CACNA1I: variants seen among roughly 807,000 people sequenced by gnomAD.
CACNA1I encodes the protein calcium voltage-gated channel subunit alpha1 I.
CACNA1I carries 74 observed loss-of-function variants against 201.6 expected under a neutral mutation model. The observed-to-expected ratio is 0.37, with a 90% CI of 0.30 to 0.45. The LOEUF is 0.45. Among genes scored for constraint, CACNA1I ranks in the 20% least tolerant of loss-of-function variants. CACNA1I has a pLI of 1.00. For missense variants in CACNA1I, 2,346 were observed against 3,138.1 expected, an observed-to-expected ratio of 0.75 and a Z score of 6.03; for synonymous variants, 1,431 against 1,345.2, an observed-to-expected ratio of 1.06 and a Z score of -1.40.
intron 24 of CACNA1I, among the ~76,000 whole-genome samples, 172 bp downstream of exon 24, chr22:39,668,553 T>A (rs136857): frequency 6.6e-6 from 1 of 152,178 alleles, no homozygotes; most frequent in Non-Finnish European, 1.5e-5. Flanking sequence ...ACCATTACAG[T>A]CCCTCCTCGG....
rs562458454 is a variant in CACNA1I at position 39,582,017 on chromosome 22, C to T, written c.236+11029C>T. Among the ~76,000 whole-genome samples the T allele has an allele frequency of 1.1e-4, 17 of 152,262 alleles. No individual in the cohort carries two copies. The South Asian group carries it at 2.7e-3, about 24-fold the overall frequency. ...GCTTGGTTGGCTGAGATGTGCTGTG[C>T]GAATGTGAAGGCTTGTTGTGCAGAG... On this transcript the variant is annotated intron_variant, in intron 1 of 36. Coordinates refer to ENST00000402142, the MANE Select transcript of CACNA1I (RefSeq NM_021096.4).
intron 9 of CACNA1I, 31 bp downstream of exon 9, chr22:39,647,957 C>G (rs1260780070): frequency 6.3e-7 from 1 of 1,578,402 alleles, no homozygotes; most frequent in African/African-American, 1.3e-5. Flanking sequence ...GTGGGCCCTG[C>G]CCCCAGCCCC....
intron 1 of CACNA1I, among the ~76,000 whole-genome samples, chr22:39,594,118 G>T (rs1932852998): frequency 6.6e-6 from 1 of 152,184 alleles, no homozygotes; most frequent in South Asian, 2.1e-4. Context: ...CAGCAGGCCT[G>T]GTGTGAATCT....
chr22:39,593,228 C>T lies in CACNA1I; in HGVS notation c.237-4923C>T, dbSNP rs553482394. Reference sequence around the variant, plus strand: ...TGTGAATCAGACAATCTGGGCTGCTCGGGGACTGGGTGACCTTGTGTGAGT... The same window carrying T: ...TGTGAATCAGACAATCTGGGCTGCTTGGGGACTGGGTGACCTTGTGTGAGT... On this transcript the variant is annotated intron_variant, in intron 1 of 36. Transcript: ENST00000402142. 4.1e-4 allele frequency among the ~76,000 whole-genome samples: 63 copies of T among 152,294 alleles called. 2 individuals are homozygous for T. The Middle Eastern group carries it at 0.01, about 25-fold the overall frequency.
chr22:39,684,306 C>A lies in CACNA1I; in HGVS notation c.5835C>A (p.Pro1945=). Residue 1945 remains proline (P), a synonymous_variant, in exon 36 of 37, where the codon CCC becomes CCA. Transcript: ENST00000402142. This position sits in a 1 kb window ranked among gnomAD's most constrained non-coding sequence, Gnocchi z 4.6. ...TGTCTTCTCCTTTCCCAGCAGCACC[C>A]CCAAGTCCCTTCTCCCCGGATGCCT... ...SWLKHDSSQA[P]PSPFSPDASS... 2 of 1,613,328 alleles carry A rather than the reference C, an allele frequency of 1.2e-6. No homozygotes were observed. Among genetic ancestry groups the A allele is most frequent in the Non-Finnish European group, 1.7e-6 (2 of 1,179,740 alleles).
At chr22:39,633,422 G>A (rs1017166006) in intron 4 of CACNA1I, among the ~76,000 whole-genome samples, 5 of 152,220 alleles carry the variant, frequency 3.3e-5, no homozygotes, top group South Asian at 2.1e-4. Context: ...ACAACTGTAC[G>A]TGGCAGCCTA....
rs374125875 is a variant in CACNA1I at position 39,673,945 on chromosome 22, G to A, written c.4784-18G>A. 4 of 1,610,968 alleles carry A rather than the reference G, an allele frequency of 2.5e-6. No individual in the cohort carries two copies. Among genetic ancestry groups the A allele is most frequent in the African/African-American group, 2.7e-5 (2 of 74,884 alleles). ...ACCGGCCTGGGGCTGAGTGGGCAGGGCTGGGTCTCGCCCGCAGTGCTGAAG... is the reference window on the plus strand; with the variant it reads ...ACCGGCCTGGGGCTGAGTGGGCAGGACTGGGTCTCGCCCGCAGTGCTGAAG... On this transcript the variant is annotated intron_variant, in intron 28 of 36. Coordinates refer to ENST00000402142, the MANE Select transcript of CACNA1I (RefSeq NM_021096.4).
intron 5 of CACNA1I, among the ~76,000 whole-genome samples, chr22:39,638,932 A>T (rs1456910368): frequency 6.6e-6 from 1 of 152,208 alleles, no homozygotes; most frequent in Non-Finnish European, 1.5e-5. Context: ...TGAGAATCTA[A>T]TGCTACCACT....
At chr22:39,679,600 G>A (rs1935630395) in intron 32 of CACNA1I, 122 bp from the exon 33 acceptor site, 1 of 1,099,696 alleles carries the variant, frequency 9.1e-7, no homozygotes, top group African/African-American at 1.6e-5. Context: ...GTGATGAGGG[G>A]GTCGGTCCCA....
intron 5 of CACNA1I, among the ~76,000 whole-genome samples, chr22:39,635,609 C>T (rs767657473): frequency 6.6e-6 from 1 of 152,162 alleles, no homozygotes; most frequent in African/African-American, 2.4e-5. Flanking sequence ...GGGTAGACCA[C>T]AGCAGGGGCA....
intron 6 of CACNA1I, among the ~76,000 whole-genome samples, chr22:39,642,234 C>T (rs1275718492): frequency 1.3e-5 from 2 of 152,148 alleles, no homozygotes; most frequent in African/African-American, 4.8e-5. Context: ...GGTGGGTGGC[C>T]GCTCAGGGGG....
chr22:39,661,901 G>T, intron 16 of CACNA1I, 64 bp from the exon 17 acceptor site: 1 of 1,153,784 alleles, frequency 8.7e-7, no homozygotes, highest in East Asian at 2.9e-5. Flanking sequence ...CTGCCTTTGG[G>T]CACCTGGTGC....
At chr22:39,586,493 A>AAAAT (rs368933585) in intron 1 of CACNA1I, among the ~76,000 whole-genome samples, 6,648 of 151,164 alleles carry the variant, frequency 0.044, 370 homozygotes, top group African/African-American at 0.13. Flanking sequence ...CTCCGTCTCT[A>AAAAT]AAATAAATAA....
At chr22:39,645,567 G>A (rs1934464418) in intron 7 of CACNA1I, among the ~76,000 whole-genome samples, 1 of 152,168 alleles carries the variant, frequency 6.6e-6, no homozygotes, top group Non-Finnish European at 1.5e-5. Flanking sequence ...CTTCTTACCC[G>A]AGAGGCAGGG....
In CACNA1I at chr22:39,625,284, G is replaced by A. The variant is rs563403857; in HGVS notation, c.580+5877G>A. ...GCAAGCTAGAGAGCTGGTGATGGGCGCAGTCAAATGACGGGTTATTAATTG... is the reference window on the plus strand; with the variant it reads ...GCAAGCTAGAGAGCTGGTGATGGGCACAGTCAAATGACGGGTTATTAATTG... On this transcript the variant is annotated intron_variant, in intron 4 of 36. Transcript: ENST00000402142. 3.9e-5 allele frequency among the ~76,000 whole-genome samples: 6 copies of A among 152,192 alleles called. No homozygotes were observed. The Middle Eastern group carries it at 9.5e-3, about 241-fold the overall frequency.
At chr22:39,621,609 T>G (rs1933745383) in intron 4 of CACNA1I, among the ~76,000 whole-genome samples, 1 of 152,168 alleles carries the variant, frequency 6.6e-6, no homozygotes, top group South Asian at 2.1e-4. Flanking sequence ...TGAGAGGGAC[T>G]GGCTTGGCTT....
At chr22:39,602,134 C>T (rs1458328017) in intron 3 of CACNA1I, among the ~76,000 whole-genome samples, 1 of 125,576 alleles carries the variant, frequency 8.0e-6, no homozygotes, top group Non-Finnish European at 1.6e-5. Flanking sequence ...TGTGGTGATG[C>T]AGTCACCACA....
In CACNA1I at chr22:39,617,569, TTGTGTGCCTG is replaced by T. The variant is rs1212563020; in HGVS notation, c.483-1732_483-1723del. On this transcript the variant is annotated intron_variant, in intron 3 of 36. Transcript: ENST00000402142. ...GGGCCCCGCGGGTGCCAGCGCCTGT[TTGTGTGCCTG>T]TGTGTGCCACCCCCGCAGCCCCTCC... Among the ~76,000 whole-genome samples, 3 of 152,168 alleles carry T rather than the reference TTGTGTGCCTG, an allele frequency of 2.0e-5. No individual in the cohort carries two copies. The East Asian group carries it at 5.8e-4, about 29-fold the overall frequency.
Position 39,679,318 on chromosome 22 carries a change from A to T in CACNA1I, c.5267A>T (p.His1756Leu), listed in dbSNP as rs59097762. ...GCCGAGCTCGAGCTGGAGATGGCCC[A>T]TGGCCTGGGCCCTGGCCCGAGGCTG... ...MDAELELEMAHGLGPGPRLPT... is the reference protein window; with the variant it reads ...MDAELELEMALGLGPGPRLPT... Residue 1756 changes from histidine to leucine, a missense_variant, in exon 32 of 37, where the codon CAT (histidine) becomes CTT (leucine). Physicochemically the swap from His to Leu is moderately conservative, Grantham distance 99 (BLOSUM62 -3). Transcript: ENST00000402142. 11 of 1,553,602 alleles carry T rather than the reference A, an allele frequency of 7.1e-6. No individual in the cohort carries two copies. In the Admixed American group the frequency reaches 1.6e-4, roughly 22 times the overall value.
Sources: allele counts gnomAD v4.1 joint callset (sites outside exome capture counted in the v4.1 genomes callset), GRCh38; gene constraint gnomAD v4.1.1; non-coding constraint Gnocchi (gnomAD v3.1); transcripts MANE v1.5; gene names NCBI Gene and HGNC (gene_info 2026-07-23, HGNC 2026-07-21).